The following ZNF676 variants were observed in gnomAD, a reference collection of about 807,000 sequenced individuals.
ZNF676 encodes zinc finger protein 676.
Under a neutral mutation model 6.0 loss-of-function variants are expected in ZNF676, and 4 were observed. The observed-to-expected ratio is 0.67, with a 90% CI of 0.33 to 1.53. ZNF676 has a LOEUF of 1.53. Ranked by LOEUF, ZNF676 falls within the 40% of genes most tolerant of loss-of-function variation. The probability of loss-of-function intolerance (pLI) is 0.06; values close to 1 mark genes in which losing one functional copy is unlikely to be tolerated. For missense variants in ZNF676, 644 were observed against 679.7 expected (o/e 0.95, Z 0.58); for synonymous variants, 198 against 223.1 (o/e 0.89, Z 1.00).
At chr19:22,182,629 T>A (rs2023776256) in intron 2 of ZNF676, among the ~76,000 whole-genome samples, 2 of 70,710 alleles carry the variant, frequency 2.8e-5, no homozygotes, top group African/African-American at 1.3e-4. Context: ...AGCTATAAAG[T>A]GAGAATAAAT....
chr19:22,231,697 G>T, the ZNF676 span, among the ~76,000 whole-genome samples: 10 of 151,130 alleles, frequency 6.6e-5, no homozygotes, highest in African/African-American at 2.2e-4. Flanking sequence ...CTGCCTCCTG[G>T]GTCCAAGTGA....
At position 22,180,538 on chromosome 19, in the gene ZNF676, G is replaced by T; in HGVS notation, c.1179C>A (p.Tyr393Ter). 6.2e-7 allele frequency: 1 copy of T among 1,611,596 alleles called. No individual in the cohort carries two copies. Among genetic ancestry groups the T allele is most frequent in the Non-Finnish European group, 8.5e-7 (1 of 1,179,680 alleles). Residue 393 changes from tyrosine to a stop codon, truncating the protein, a stop_gained, in exon 3 of 3, where the codon TAC becomes TAA. Transcript: ENST00000397121. LOFTEE classifies it low-confidence loss of function (END_TRUNC). Reference protein sequence around the residue: ...HKAIHAEEKPYKCEECGKASN... With the variant: ...HKAIHAEEKP ...AAGCTTTGCCACATTCTTCACATTT[G>T]TAGGGCTTCTCTTCAGCATGAATTG...
upstream of ZNF676, among the ~76,000 whole-genome samples, chr19:22,199,625 C>G (rs2024004152): frequency 6.6e-6 from 1 of 151,904 alleles, no homozygotes; most frequent in African/African-American, 2.4e-5. Flanking sequence ...ATTGATTTTT[C>G]AAAAAATGCA....
At chr19:22,236,592 G>A in the ZNF676 span, among the ~76,000 whole-genome samples, 16 of 152,276 alleles carry the variant, frequency 1.1e-4, no homozygotes, top group East Asian at 2.1e-3. Context: ...TAGTGGGCTC[G>A]TTCCTCAAGG....
chr19:22,182,645 C>G (rs1300176442), intron 2 of ZNF676, among the ~76,000 whole-genome samples: 1 of 119,942 alleles, frequency 8.3e-6, no homozygotes, highest in East Asian at 2.5e-4. Context: ...TAAATACCAT[C>G]AGCAAATCTG....
At chr19:22,254,480 C>G in the ZNF676 span, among the ~76,000 whole-genome samples, 313 of 152,232 alleles carry the variant, frequency 2.1e-3, 1 homozygote, top group African/African-American at 6.3e-3. Flanking sequence ...CTATATGTAA[C>G]AATACCCAAG....
At chr19:22,238,759 A>C in the ZNF676 span, among the ~76,000 whole-genome samples, 1 of 152,200 alleles carries the variant, frequency 6.6e-6, no homozygotes, top group Non-Finnish European at 1.5e-5. Context: ...TCCAAGTTCC[A>C]AAACTGAAGA....
the ZNF676 span, among the ~76,000 whole-genome samples, chr19:22,249,205 A>G: frequency 6.6e-6 from 1 of 152,290 alleles, no homozygotes; most frequent in East Asian, 1.9e-4. Context: ...GAAAAGTAGA[A>G]TGTGCTTTTG....
chr19:22,243,536 A>T, the ZNF676 span: 1 of 151,984 alleles, frequency 6.6e-6, no homozygotes, highest in African/African-American at 2.4e-5. Flanking sequence ...CAGGTATCAG[A>T]CTCAGCAACA....
chr19:22,180,476 A>G lies in ZNF676; in HGVS notation c.1241T>C (p.Ile414Thr), dbSNP rs2023719635. 1 of 1,606,752 alleles carries G rather than the reference A, an allele frequency of 6.2e-7. No homozygotes were observed. Among genetic ancestry groups the G allele is most frequent in the Non-Finnish European group, 8.5e-7 (1 of 1,177,852 alleles). Reference protein sequence around the residue: ...SSSKLMEHKRIHTGEKPYKCE... With the variant: ...SSSKLMEHKRTHTGEKPYKCE... The stretch of plus-strand genomic sequence containing the variant: ...CTTGTAGGGTTTCTCTCCAGTATGA[A>G]TTCTCTTATGTTCCATGAGCTTTGA... Residue 414 changes from isoleucine to threonine, a missense_variant, in exon 3 of 3, where the codon ATT becomes ACT. Ile to Thr is a moderately conservative substitution (Grantham distance 89). Coordinates refer to ENST00000397121, the MANE Select transcript of ZNF676 (RefSeq NM_001001411.3).
chr19:22,253,427 TATATATATGATA>T, the ZNF676 span, among the ~76,000 whole-genome samples: 1 of 120,138 alleles, frequency 8.3e-6, no homozygotes, highest in African/African-American at 3.2e-5. Flanking sequence ...TGATAATGTA[TATATATATGATA>T]ATGTGTATAT....
chr19:22,254,798 G>A, the ZNF676 span, among the ~76,000 whole-genome samples: 9 of 152,120 alleles, frequency 5.9e-5, no homozygotes, highest in Non-Finnish European at 1.0e-4. Flanking sequence ...TGGGTTCTAG[G>A]GCCAGCAAAA....
At chr19:22,230,371 A>G in the ZNF676 span, among the ~76,000 whole-genome samples, 1 of 152,128 alleles carries the variant, frequency 6.6e-6, no homozygotes, top group Non-Finnish European at 1.5e-5. Context: ...TAGGAGATGA[A>G]TAGTATTAGA....
upstream of ZNF676, among the ~76,000 whole-genome samples, chr19:22,219,333 A>AAGTGATCC (rs1313627419): frequency 1.3e-5 from 2 of 151,958 alleles, no homozygotes; most frequent in African/African-American, 2.4e-5. Flanking sequence ...TCCTGACCTC[A>AAGTGATCC]AGTGATCCAC....
At chr19:22,193,536 T>A (rs1233949848) in intron 1 of ZNF676, among the ~76,000 whole-genome samples, 1 of 152,086 alleles carries the variant, frequency 6.6e-6, no homozygotes. Flanking sequence ...GGAGTCAGGT[T>A]TTGAGTCTCA....
chr19:22,256,433 C>A, the ZNF676 span, among the ~76,000 whole-genome samples: 3 of 152,114 alleles, frequency 2.0e-5, no homozygotes, highest in Admixed American at 2.0e-4. Context: ...CACCTGGGTG[C>A]TGAGCCCAGT....
intron 1 of ZNF676, among the ~76,000 whole-genome samples, chr19:22,208,652 A>T (rs2024099137): frequency 6.6e-6 from 1 of 152,234 alleles, no homozygotes; most frequent in South Asian, 2.1e-4. Flanking sequence ...CTGGATACAG[A>T]AAATACGGTA....
At chr19:22,192,090 A>G (rs1014781941) in intron 2 of ZNF676, among the ~76,000 whole-genome samples, 5 of 152,230 alleles carry the variant, frequency 3.3e-5, no homozygotes, top group African/African-American at 1.2e-4. Context: ...TAAACAGTAC[A>G]TTAAAATCTT....
chr19:22,194,361 CTG>C (rs1183891068), intron 1 of ZNF676, among the ~76,000 whole-genome samples: 1 of 151,964 alleles, frequency 6.6e-6, no homozygotes. Context: ...GCAATGGCTC[CTG>C]TGAGATCCAC....
Sources: gnomAD v4.1 joint callset for allele counts (sites outside exome capture counted in the v4.1 genomes callset) on GRCh38, gnomAD v4.1.1 for gene constraint, MANE v1.5 for transcripts, NCBI Gene and HGNC (gene_info 2026-07-23, HGNC 2026-07-21) for gene names.